The following PLB1 variants were observed in gnomAD, a reference collection of about 807,000 sequenced individuals.
PLB1 encodes phospholipase B1, membrane-associated.
PLB1 carries 242 observed loss-of-function variants against 227.4 expected under a neutral mutation model. The observed-to-expected ratio is 1.06, with a 90% CI of 0.96 to 1.18. The LOEUF (loss-of-function observed/expected upper bound fraction) is 1.18, where lower values mean the gene tolerates loss of function less well. Ranked by LOEUF, PLB1 falls within the 50% of genes most tolerant of loss-of-function variation. PLB1 has a pLI of 0.00. For missense variants in PLB1, 1,858 were observed against 1,816.3 expected, an observed-to-expected ratio of 1.02 and a Z score of -0.42; for synonymous variants, 757 against 682.2, an observed-to-expected ratio of 1.11 and a Z score of -1.71.
At chr2:28,641,512 G>T (rs1262576071) in intron 57 of PLB1, among the ~76,000 whole-genome samples, 3 of 152,192 alleles carry the variant, frequency 2.0e-5, no homozygotes, top group Non-Finnish European at 4.4e-5. Context: ...GGAGGCTGAG[G>T]CAGGAGAATC....
intron 16 of PLB1, among the ~76,000 whole-genome samples, chr2:28,552,723 C>G (rs928676646): frequency 6.6e-6 from 1 of 152,100 alleles, no homozygotes; most frequent in Admixed American, 6.6e-5. Flanking sequence ...GGCAGAGGCA[C>G]TGGAGCAGAG....
At chr2:28,590,129 T>C in intron 29 of PLB1, 53 bp downstream of exon 29, 1 of 1,471,324 alleles carries the variant, frequency 6.8e-7, no homozygotes. Flanking sequence ...GCTTCTTGGC[T>C]CATTTCATCC....
rs1020189341 is a variant in PLB1 at position 28,639,628 on chromosome 2, C to T, written c.4099-1299C>T. 3.3e-5 allele frequency among the ~76,000 whole-genome samples: 5 copies of T among 152,190 alleles called. 1 individual carries two copies. Among genetic ancestry groups the T allele is most frequent in the African/African-American group, 1.2e-4 (5 of 41,450 alleles). On this transcript the variant is annotated intron_variant, in intron 56 of 57. Transcript: ENST00000327757. ...ACCAGTAGAAAGGGAGAAACTGATG[C>T]ACTCATCAAACCCTTGTAATCACGA... is the stretch of plus-strand genomic sequence containing the variant.
At chr2:28,531,602 C>G (rs1338928442) in intron 8 of PLB1, among the ~76,000 whole-genome samples, 2 of 152,204 alleles carry the variant, frequency 1.3e-5, no homozygotes, top group African/African-American at 4.8e-5. Context: ...TGAACCACTG[C>G]ACCCAGCCAG....
At chr2:28,627,269 C>G (rs1392773913) in intron 51 of PLB1, among the ~76,000 whole-genome samples, 1 of 152,086 alleles carries the variant, frequency 6.6e-6, no homozygotes, top group South Asian at 2.1e-4. Flanking sequence ...CTCTCCCTGA[C>G]CACCCACACT....
At chr2:28,606,039 G>A (rs1158448463) in intron 42 of PLB1, 91 bp downstream of exon 42, 23 of 1,013,200 alleles carry the variant, frequency 2.3e-5, no homozygotes. Flanking sequence ...AAGTGAGGCT[G>A]AGGGGGCAGT....
chr2:28,605,262 A>G (rs908182562), intron 41 of PLB1, among the ~76,000 whole-genome samples: 8 of 152,062 alleles, frequency 5.3e-5, no homozygotes, highest in African/African-American at 1.9e-4. Flanking sequence ...TTCCACTCTG[A>G]ACAGAAGAGA....
intron 1 of PLB1, among the ~76,000 whole-genome samples, chr2:28,498,792 G>T (rs1004722769): frequency 1.3e-5 from 2 of 152,162 alleles, no homozygotes; most frequent in Non-Finnish European, 2.9e-5. Flanking sequence ...GAGAAAAGAA[G>T]TCTTCCTATT....
chr2:28,514,830 T>G (rs796539677), intron 1 of PLB1, among the ~76,000 whole-genome samples: 4 of 152,214 alleles, frequency 2.6e-5, no homozygotes, highest in African/African-American at 9.6e-5. Flanking sequence ...AATGTCATCT[T>G]TTTCTATTTT....
chr2:28,574,720 G>C (rs952449083), intron 21 of PLB1, among the ~76,000 whole-genome samples: 17 of 151,878 alleles, frequency 1.1e-4, no homozygotes, highest in African/African-American at 3.6e-4. Context: ...TTATGCCTTT[G>C]CGTCCTCATA....
rs1684684578 is a variant in PLB1 at position 28,606,394 on chromosome 2, A to G, written c.3058-102A>G. On this transcript the variant is annotated intron_variant, in intron 42 of 57. Transcript: ENST00000327757. ...AGAAGTGGGAGCCAAGCCCCCTGAA[A>G]TCGAGTTCTGAGCTTTCCCCACTGC... The G allele has an allele frequency of 4.2e-6, 5 of 1,196,774 alleles. No homozygotes were observed. In the African/African-American group the frequency reaches 7.5e-5, roughly 18 times the overall value. 74.1% of individuals were successfully genotyped at this position (1,196,774 alleles called of 1,614,324 possible).
At chr2:28,572,863 T>C (rs1020411972) in intron 20 of PLB1, among the ~76,000 whole-genome samples, 4 of 152,262 alleles carry the variant, frequency 2.6e-5, no homozygotes, top group Non-Finnish European at 4.4e-5. Flanking sequence ...CTAGAAGTTA[T>C]TGAACTGTAT....
At chr2:28,553,077 T>G in intron 17 of PLB1, 86 bp downstream of exon 17, 3 of 1,168,986 alleles carry the variant, frequency 2.6e-6, no homozygotes, top group Non-Finnish European at 3.8e-6. Flanking sequence ...CCTGAAATAC[T>G]CCCGAGTGGT....
intron 12 of PLB1, among the ~76,000 whole-genome samples, chr2:28,540,868 G>A (rs976681414): frequency 6.6e-6 from 1 of 152,196 alleles, no homozygotes; most frequent in South Asian, 2.1e-4. Context: ...TCACAGAAGA[G>A]ACCCCAAGAG....
Position 28,590,018 on chromosome 2 carries a change from G to T in PLB1, c.2030G>T (p.Gly677Val). The T allele has an allele frequency of 1.2e-6, 2 of 1,613,680 alleles. No individual in the cohort carries two copies. Among genetic ancestry groups the T allele is most frequent in the Non-Finnish European group, 1.7e-6 (2 of 1,179,672 alleles). Residue 677 changes from glycine (G) to valine (V), a missense_variant, in exon 29 of 58, where the codon GGC becomes GTC. Physicochemically the swap from Gly to Val is moderately radical, Grantham distance 109 (BLOSUM62 -3). Coordinates refer to ENST00000327757, the MANE Select transcript of PLB1 (RefSeq NM_153021.5). ...TTCTTTGTTTAGCTGGAGCCTGTTGGCCAGAAGACGACTCGTCATAAGTTT... is the reference window on the plus strand; with the variant it reads ...TTCTTTGTTTAGCTGGAGCCTGTTGTCCAGAAGACGACTCGTCATAAGTTT... Reference protein sequence around the residue: ...ALWNNMLEPVGQKTTRHKFEN... With the variant: ...ALWNNMLEPVVQKTTRHKFEN...
At chr2:28,591,869 A>G (rs558791068) in intron 31 of PLB1, 109 bp downstream of exon 31, 2 of 1,128,984 alleles carry the variant, frequency 1.8e-6, no homozygotes, top group Non-Finnish European at 2.6e-6. Context: ...AGTGACGGCC[A>G]GTGCTTGCTG....
intron 10 of PLB1, 66 bp downstream of exon 10, chr2:28,538,447 C>T: frequency 1.4e-6 from 2 of 1,475,694 alleles, no homozygotes; most frequent in Non-Finnish European, 1.9e-6. Flanking sequence ...GTGGCCTCCA[C>T]CGGGGTGGGG....
chr2:28,577,160 C>T (rs80005535), intron 21 of PLB1, among the ~76,000 whole-genome samples: 4,643 of 152,326 alleles, frequency 0.03, 100 homozygotes, highest in South Asian at 0.047. Flanking sequence ...TTTGCAGGAT[C>T]AAGTAGTCGG....
intron 26 of PLB1, among the ~76,000 whole-genome samples, chr2:28,587,265 C>T (rs1046122016): frequency 5.9e-5 from 9 of 152,232 alleles, no homozygotes; most frequent in Admixed American, 2.6e-4. Flanking sequence ...AGCTAGGGTC[C>T]GGAGCTATGC....
Sources: gnomAD v4.1 joint callset for allele counts (sites outside exome capture counted in the v4.1 genomes callset) on GRCh38, gnomAD v4.1.1 for gene constraint, MANE v1.5 for transcripts, NCBI Gene and HGNC (gene_info 2026-07-23, HGNC 2026-07-21) for gene names.